Variants in GCSAML observed in about 807,000 individuals in gnomAD.
GCSAML encodes the protein germinal center associated signaling and motility like, also known as germinal center-associated signaling and motility-like protein.
Under a neutral mutation model 13.0 loss-of-function variants are expected in GCSAML, and 9 were observed. That is an observed-to-expected ratio of 0.69 (90% CI 0.42 to 1.21). The LOEUF (loss-of-function observed/expected upper bound fraction) is 1.21. Among genes scored for constraint, GCSAML ranks in the 50% most tolerant of loss-of-function variants. The pLI is 0.00. For synonymous variants in GCSAML, 37 were observed against 52.9 expected (o/e 0.70, Z 1.31); for missense variants, 143 against 153.4 (o/e 0.93, Z 0.36).
At chr1:247,557,263 C>T (rs1213942044) in intron 2 of GCSAML, among the ~76,000 whole-genome samples, 1 of 152,174 alleles carries the variant, frequency 6.6e-6, no homozygotes, top group Non-Finnish European at 1.5e-5. Context: ...TTATAGTCCA[C>T]TTCCTTCATA....
rs748205311 is a variant in GCSAML at position 247,549,215 on chromosome 1, A to C, written c.24A>C (p.Lys8Asn). The change falls in exon 1 of 5, where the codon AAA becomes AAC. Residue 8 changes from lysine (K) to asparagine (N), a missense_variant. By Grantham distance (94) the Lys-to-Asn change is moderately conservative. Transcript: ENST00000366488. Reference protein sequence around the residue: MGNYLLRKLSCLGENQKK... With the variant: MGNYLLRNLSCLGENQKK... ...AGATGGGAAATTATCTCCTGCGAAA[A>C]CTCAGGTGAGTCTTGACTCTTGGTG... is the stretch of plus-strand genomic sequence containing the variant. 1.2e-6 allele frequency: 2 copies of C among 1,613,648 alleles called. No homozygotes were observed. The highest frequency in any genetic ancestry group is 2.2e-5 in the South Asian group (2 of 91,030).
chr1:247,544,140 T>A (rs1052888393), upstream of GCSAML, among the ~76,000 whole-genome samples: 3 of 152,114 alleles, frequency 2.0e-5, no homozygotes, highest in African/African-American at 7.2e-5. Flanking sequence ...CATGTGAGGT[T>A]GTAGAGAGAG....
chr1:247,557,126 A>G (rs1443415070), intron 2 of GCSAML, among the ~76,000 whole-genome samples: 1 of 152,198 alleles, frequency 6.6e-6, no homozygotes, highest in African/African-American at 2.4e-5. Flanking sequence ...GCTGGCCCTC[A>G]TGCCCTTCTC....
chr1:247,539,432 G>A (rs1014936726), intron 2 of GCSAML, among the ~76,000 whole-genome samples: 1 of 152,138 alleles, frequency 6.6e-6, no homozygotes, highest in East Asian at 1.9e-4. Context: ...GTTGACCCTC[G>A]TTCCTGAAAA....
intron 2 of GCSAML, among the ~76,000 whole-genome samples, chr1:247,534,058 C>T (rs1022140271): frequency 6.6e-6 from 1 of 152,156 alleles, no homozygotes; most frequent in African/African-American, 2.4e-5. Flanking sequence ...GAAAAGTCAC[C>T]TTCTGACTGA....
intron 4 of GCSAML, among the ~76,000 whole-genome samples, chr1:247,569,783 A>G (rs1217007905): frequency 6.6e-6 from 1 of 152,192 alleles, no homozygotes; most frequent in East Asian, 1.9e-4. Context: ...AAGGAATGGT[A>G]CCAGCTCCTC....
chr1:247,550,600 G>A (rs1206458082), intron 1 of GCSAML, among the ~76,000 whole-genome samples: 1 of 152,028 alleles, frequency 6.6e-6, no homozygotes, highest in African/African-American at 2.4e-5. Context: ...TCCCGCCACT[G>A]CACTCCAGCC....
intron 2 of GCSAML, among the ~76,000 whole-genome samples, chr1:247,559,649 G>A (rs140696553): frequency 1.1e-3 from 175 of 152,196 alleles, no homozygotes; most frequent in Middle Eastern, 6.8e-3. Flanking sequence ...CTCTTATAGC[G>A]AAGTACCATA....
At chr1:247,515,911 TTTA>T (rs1666194616) in intron 1 of GCSAML, among the ~76,000 whole-genome samples, 1 of 152,172 alleles carries the variant, frequency 6.6e-6, no homozygotes, top group South Asian at 2.1e-4. Context: ...AGGAAGCACA[TTTA>T]TTATACTAAC....
chr1:247,577,122 G>C lies in GCSAML; in HGVS notation c.*2740G>C, dbSNP rs1338875958. 2 of 152,136 alleles carry C rather than the reference G, an allele frequency of 1.3e-5. No homozygotes were observed. The highest frequency in any genetic ancestry group is 4.1e-4 in the South Asian group (2 of 4,832). The allele number at this position is 152,136 out of a possible 1,614,324, so 9.4% of individuals were successfully genotyped here. Reference sequence around the variant, plus strand: ...TCTTATGTGGTTATGAAGAACAATAGAATCATTGCTGTATAAGTGCTTTTT... The same window carrying C: ...TCTTATGTGGTTATGAAGAACAATACAATCATTGCTGTATAAGTGCTTTTT... On this transcript the variant is annotated 3_prime_UTR_variant, in exon 5 of 5. Transcript: ENST00000366488.
At chr1:247,551,480 G>A (rs1244463362) in intron 1 of GCSAML, among the ~76,000 whole-genome samples, 4 of 152,152 alleles carry the variant, frequency 2.6e-5, no homozygotes, top group Admixed American at 2.6e-4. Flanking sequence ...TTTATAAGCT[G>A]GAGAAAAATG....
chr1:247,564,898 CAA>C (rs1668279403), intron 3 of GCSAML, among the ~76,000 whole-genome samples: 1 of 151,966 alleles, frequency 6.6e-6, no homozygotes, highest in Non-Finnish European at 1.5e-5. Flanking sequence ...ACGTAAAACC[CAA>C]AATTATAAAA....
rs537209364 is a variant in GCSAML at position 247,539,608 on chromosome 1, G to A, written c.-147-9437G>A. Among the ~76,000 whole-genome samples, 151 of 152,198 alleles carry A rather than the reference G, an allele frequency of 9.9e-4. 1 individual carries two copies. Among genetic ancestry groups the A allele is most frequent in the Middle Eastern group, 3.4e-3 (1 of 294 alleles). ...AACAAGTGACCGACTAAAAGCAAGC[G>A]ACTAAAGCCAGTGAGGCAAGTTAAG... On this transcript the variant is annotated intron_variant, in intron 2 of 5. Transcript: ENST00000366489.
At chr1:247,572,182 C>A (rs1668641067) in intron 4 of GCSAML, among the ~76,000 whole-genome samples, 1 of 152,218 alleles carries the variant, frequency 6.6e-6, no homozygotes, top group Non-Finnish European at 1.5e-5. Context: ...TATTACCCAC[C>A]TTCTGAAGCC....
intron 4 of GCSAML, among the ~76,000 whole-genome samples, chr1:247,566,462 G>A (rs377424931): frequency 2.0e-5 from 3 of 152,020 alleles, no homozygotes; most frequent in Non-Finnish European, 4.4e-5. Flanking sequence ...GGCTAGTCTC[G>A]AACTCCTGGC....
At chr1:247,554,766 T>C (rs148675204) in intron 1 of GCSAML, among the ~76,000 whole-genome samples, 416 of 152,312 alleles carry the variant, frequency 2.7e-3, no homozygotes, top group Non-Finnish European at 5.3e-3. Context: ...GGAGAAATCA[T>C]GTGCAAATTG....
At chr1:247,572,679 G>A (rs1668663212) in intron 4 of GCSAML, among the ~76,000 whole-genome samples, 1 of 152,192 alleles carries the variant, frequency 6.6e-6, no homozygotes, top group Non-Finnish European at 1.5e-5. Context: ...GAGGCATGAG[G>A]GTCAGCGACC....
chr1:247,526,299 T>C lies in GCSAML; in HGVS notation c.-262-641T>C, dbSNP rs1298199853. 2 of 152,228 alleles carry C rather than the reference T, an allele frequency of 1.3e-5. No homozygotes were observed. Among genetic ancestry groups the C allele is most frequent in the Non-Finnish European group, 2.9e-5 (2 of 68,034 alleles). The allele number at this position is 152,228 out of a possible 1,614,324, so 9.4% of individuals were successfully genotyped here. On this transcript the variant is annotated intron_variant, in intron 1 of 5. Transcript: ENST00000366489. This position sits in a 1 kb window ranked among gnomAD's most constrained non-coding sequence, Gnocchi z 4.8. ...TTTTTAAAGTTTATATTTTTTACTC[T>C]ATCTGGCTCATAATACCTGACCTAA...
intron 1 of GCSAML, among the ~76,000 whole-genome samples, chr1:247,522,064 C>T (rs1258556795): frequency 1.3e-5 from 2 of 151,138 alleles, no homozygotes; most frequent in South Asian, 2.1e-4. Flanking sequence ...CGTCTCTGCC[C>T]GACCGCCCCA....
Sources: allele counts gnomAD v4.1 joint callset (sites outside exome capture counted in the v4.1 genomes callset), GRCh38; gene constraint gnomAD v4.1.1; non-coding constraint Gnocchi (gnomAD v3.1); transcripts MANE v1.5; gene names NCBI Gene and HGNC (gene_info 2026-07-23, HGNC 2026-07-21).